Variants in ARHGAP10 observed in about 807,000 individuals in gnomAD.
The protein encoded by ARHGAP10 is rho GTPase-activating protein 10.
In ARHGAP10, 87 loss-of-function variants were observed where a neutral mutation model predicts 108.6. That is an observed-to-expected ratio of 0.80 (90% CI 0.67 to 0.96). The LOEUF (loss-of-function observed/expected upper bound fraction) is 0.96, where lower values mean the gene tolerates loss of function less well. ARHGAP10 is among the 40% of genes least tolerant of loss of function. The pLI is 0.00. For missense variants in ARHGAP10, 939 were observed against 954.5 expected, an observed-to-expected ratio of 0.98 and a Z score of 0.21; for synonymous variants, 347 against 341.1, an observed-to-expected ratio of 1.02 and a Z score of -0.19.
intron 18 of ARHGAP10, among the ~76,000 whole-genome samples, chr4:147,979,944 T>A (rs1739747932): frequency 6.6e-6 from 1 of 152,184 alleles, no homozygotes; most frequent in African/African-American, 2.4e-5. Context: ...TTTGGCAGCA[T>A]CTTTAGGGTT....
At chr4:147,886,510 C>T (rs547245569) in intron 10 of ARHGAP10, among the ~76,000 whole-genome samples, 2 of 152,320 alleles carry the variant, frequency 1.3e-5, no homozygotes, top group South Asian at 2.1e-4. Flanking sequence ...GTCTGTTGTT[C>T]GTCGTGCACT....
chr4:148,069,042 A>G (rs1363248029), intron 22 of ARHGAP10, among the ~76,000 whole-genome samples: 1 of 152,158 alleles, frequency 6.6e-6, no homozygotes, highest in East Asian at 1.9e-4. Context: ...TTCTCCACCC[A>G]TAAGAATGGA....
At chr4:147,969,623 A>G (rs1344927687) in intron 18 of ARHGAP10, among the ~76,000 whole-genome samples, 2 of 152,150 alleles carry the variant, frequency 1.3e-5, no homozygotes, top group Non-Finnish European at 2.9e-5. Flanking sequence ...TCATGCTGCA[A>G]CTGCCTGTTT....
chr4:147,905,201 T>C (rs1736433285), intron 10 of ARHGAP10, among the ~76,000 whole-genome samples: 1 of 152,178 alleles, frequency 6.6e-6, no homozygotes, highest in Non-Finnish European at 1.5e-5. Context: ...ACTCTGATGG[T>C]AGTTTCTTTT....
intron 1 of ARHGAP10, among the ~76,000 whole-genome samples, chr4:147,778,967 A>G (rs550559268): frequency 1.2e-4 from 19 of 152,320 alleles, no homozygotes; most frequent in African/African-American, 4.6e-4. Flanking sequence ...TAAGGTACTG[A>G]AAAGGAAAGT....
At chr4:147,944,468 T>C (rs1430049595) in intron 14 of ARHGAP10, among the ~76,000 whole-genome samples, 1 of 152,234 alleles carries the variant, frequency 6.6e-6, no homozygotes, top group African/African-American at 2.4e-5. Context: ...AACCATCACT[T>C]CCTGTTTTAC....
At chr4:147,822,861 A>T (rs1162343024) in intron 2 of ARHGAP10, 35 bp from the exon 3 acceptor site, 1 of 1,613,838 alleles carries the variant, frequency 6.2e-7, no homozygotes, top group South Asian at 1.1e-5. Flanking sequence ...TTCCTTTGCC[A>T]TGGCCACCAA....
chr4:148,025,830 G>A (rs555523978), intron 19 of ARHGAP10, among the ~76,000 whole-genome samples: 1 of 151,936 alleles, frequency 6.6e-6, no homozygotes, highest in African/African-American at 2.4e-5. Context: ...TCTTATTTTA[G>A]TAGTGAAGTG....
rs573568398 is a variant in ARHGAP10 at position 147,907,214 on chromosome 4, G to T, written c.1116+495G>T. 5.9e-5 allele frequency among the ~76,000 whole-genome samples: 9 copies of T among 152,266 alleles called. No individual in the cohort carries two copies. The East Asian group carries it at 1.4e-3, about 23-fold the overall frequency. ...GTGGATGGGCCTCGGTATTCAGAGT[G>T]CTTTGAGGAATAAATTGAAGGTAGT... On this transcript the variant is annotated intron_variant, in intron 11 of 22. Coordinates refer to ENST00000336498, the MANE Select transcript of ARHGAP10 (RefSeq NM_024605.4).
intron 11 of ARHGAP10, among the ~76,000 whole-genome samples, chr4:147,907,955 G>A (rs942763269): frequency 2.6e-5 from 4 of 152,098 alleles, no homozygotes; most frequent in Non-Finnish European, 4.4e-5. Flanking sequence ...TGATTCTCCT[G>A]CTTCAGCCTC....
In ARHGAP10 at chr4:147,805,496, A is replaced by G. The variant is rs75764360; in HGVS notation, c.155-17231A>G. ...TGTGGATTTTAGAATAGTTTTTCTA[A>G]TTCTATGAAGAATGTCAATGGTAGT... On this transcript the variant is annotated intron_variant, in intron 1 of 22. Coordinates refer to ENST00000336498, the MANE Select transcript of ARHGAP10 (RefSeq NM_024605.4). Among the ~76,000 whole-genome samples the G allele has an allele frequency of 4.4e-3, 668 of 152,314 alleles. 9 individuals are homozygous for G. Among genetic ancestry groups the G allele is most frequent in the East Asian group, 0.035 (179 of 5,186 alleles).
chr4:147,943,217 G>GT (rs758502541), intron 14 of ARHGAP10, among the ~76,000 whole-genome samples: 76 of 152,328 alleles, frequency 5.0e-4, no homozygotes, highest in Non-Finnish European at 8.8e-4. Context: ...TGTGGTAGTA[G>GT]TTTGTGTGGT....
At chr4:147,753,497 C>T (rs551483559) in intron 1 of ARHGAP10, among the ~76,000 whole-genome samples, 26 of 150,812 alleles carry the variant, frequency 1.7e-4, no homozygotes, top group Non-Finnish European at 3.2e-4. Context: ...GTGTGCACCA[C>T]CGTACCTGGC....
intron 18 of ARHGAP10, among the ~76,000 whole-genome samples, chr4:148,020,538 C>G (rs996996451): frequency 3.6e-5 from 5 of 140,610 alleles, no homozygotes; most frequent in Non-Finnish European, 7.5e-5. Flanking sequence ...TGAGAACATG[C>G]GTTTTTTGTT....
intron 18 of ARHGAP10, among the ~76,000 whole-genome samples, chr4:148,000,254 A>G (rs1369481350): frequency 6.6e-6 from 1 of 152,208 alleles, no homozygotes; most frequent in African/African-American, 2.4e-5. Flanking sequence ...AAAGGACATG[A>G]ACTCATCTTT....
chr4:147,749,755 G>C (rs1729066255), intron 1 of ARHGAP10, among the ~76,000 whole-genome samples: 1 of 152,134 alleles, frequency 6.6e-6, no homozygotes, highest in African/African-American at 2.4e-5. Flanking sequence ...GTAGCTATTT[G>C]CACTATTTTC....
intron 3 of ARHGAP10, among the ~76,000 whole-genome samples, chr4:147,837,650 T>TTTTTTTTTTTG (rs1733230186): frequency 8.9e-6 from 1 of 112,006 alleles, no homozygotes; most frequent in South Asian, 3.6e-4. Flanking sequence ...ACTGTTTTTT[T>TTTTTTTTTTTG]TTTTTTTTTT....
intron 14 of ARHGAP10, chr4:147,946,251 A>G (rs1229645421): frequency 5.6e-6 from 1 of 179,480 alleles, no homozygotes; most frequent in Non-Finnish European, 1.2e-5. Context: ...TGTGCATACA[A>G]CTGAAAGTGC....
In ARHGAP10 at chr4:148,023,478, A is replaced by T. The variant is rs766496478; in HGVS notation, c.1867+65A>T. The T allele has an allele frequency of 3.5e-4, 512 of 1,471,458 alleles. 1 individual carries two copies. The highest frequency in any genetic ancestry group is 4.6e-4 in the Non-Finnish European group (500 of 1,092,742). The allele number at this position is 1,471,458 out of a possible 1,614,324, so 91.2% of individuals were successfully genotyped here. On this transcript the variant is annotated intron_variant, in intron 19 of 22. Transcript: ENST00000336498. The stretch of plus-strand genomic sequence containing the variant: ...AGAGTATGGCGTATCATATGTCGTC[A>T]GGGCAGGCCACAGTTTTCTGTCATC...
Sources: allele counts gnomAD v4.1 joint callset (sites outside exome capture counted in the v4.1 genomes callset), GRCh38; gene constraint gnomAD v4.1.1; transcripts MANE v1.5; gene names NCBI Gene and HGNC (gene_info 2026-07-23, HGNC 2026-07-21).